ROR2: variants seen among roughly 807,000 people sequenced by gnomAD.
ROR2 encodes the protein tyrosine-protein kinase transmembrane receptor ROR2.
A neutral mutation model predicts 74.9 loss-of-function variants in ROR2; 33 were observed. The observed-to-expected ratio is 0.44, with a 90% CI of 0.33 to 0.59. The LOEUF is 0.59. Among genes scored for constraint, ROR2 ranks in the 20% least tolerant of loss-of-function variants. ROR2 has a pLI of 0.02. For missense variants in ROR2, 1,216 were observed against 1,313.8 expected (o/e 0.93, Z 1.15); for synonymous variants, 586 against 558.7 (o/e 1.05, Z -0.69).
At chr9:91,866,417 CTTTTTTTTTT>C (rs59024037) in intron 1 of ROR2, among the ~76,000 whole-genome samples, 1 of 103,910 alleles carries the variant, frequency 9.6e-6, no homozygotes, top group Non-Finnish European at 1.8e-5. Context: ...CACGCCCAGT[CTTTTTTTTTT>C]TTTTTTTTTT....
intron 1 of ROR2, among the ~76,000 whole-genome samples, chr9:91,870,208 C>A (rs1032671252): frequency 6.6e-6 from 1 of 152,160 alleles, no homozygotes; most frequent in Non-Finnish European, 1.5e-5. Context: ...GGTTTGCTGA[C>A]CCCCAATCTA....
At chr9:91,898,749 C>T (rs981946262) in intron 1 of ROR2, among the ~76,000 whole-genome samples, 1 of 152,132 alleles carries the variant, frequency 6.6e-6, no homozygotes, top group Non-Finnish European at 1.5e-5. Context: ...TTACCCTTCT[C>T]CTGACTATTA....
rs530145736 is a variant in ROR2 at position 91,895,694 on chromosome 9, T to A, written c.97+54173A>T. Among the ~76,000 whole-genome samples the A allele has an allele frequency of 2.7e-4, 41 of 152,152 alleles. 1 individual carries two copies. The South Asian group carries it at 7.7e-3, about 29-fold the overall frequency. ...CCCCATCTCTACTAAAATACAAAATTTAGGCGGGCATGATGGCAGATGCCT... is the reference window on the plus strand; with the variant it reads ...CCCCATCTCTACTAAAATACAAAATATAGGCGGGCATGATGGCAGATGCCT... On this transcript the variant is annotated intron_variant, in intron 1 of 8. Coordinates refer to ENST00000375708, the MANE Select transcript of ROR2 (RefSeq NM_004560.4).
intron 4 of ROR2, among the ~76,000 whole-genome samples, chr9:91,752,425 T>C (rs1825621855): frequency 6.6e-6 from 1 of 152,196 alleles, no homozygotes; most frequent in South Asian, 2.1e-4. Context: ...TACTGATACA[T>C]GTACAACACA....
At chr9:91,819,593 C>G (rs1828069406) in intron 1 of ROR2, among the ~76,000 whole-genome samples, 1 of 150,616 alleles carries the variant, frequency 6.6e-6, no homozygotes, top group Admixed American at 6.6e-5. Flanking sequence ...TCTGAGTGTT[C>G]TGTGTGTCTG....
intron 7 of ROR2, among the ~76,000 whole-genome samples, chr9:91,728,647 T>C (rs1364984325): frequency 6.6e-6 from 1 of 152,152 alleles, no homozygotes; most frequent in Admixed American, 6.6e-5. Context: ...GCCAGCCTGG[T>C]CTTGAACTCC....
intron 1 of ROR2, among the ~76,000 whole-genome samples, chr9:91,850,096 GA>G (rs1421501404): frequency 6.6e-6 from 1 of 152,180 alleles, no homozygotes; most frequent in Non-Finnish European, 1.5e-5. Flanking sequence ...CCAAGACACA[GA>G]ATTACTGGGT....
At chr9:91,825,738 ATT>A (rs1375187424) in intron 1 of ROR2, among the ~76,000 whole-genome samples, 1 of 152,088 alleles carries the variant, frequency 6.6e-6, no homozygotes, top group African/African-American at 2.4e-5. Context: ...ACTATCACTT[ATT>A]TTGCTGGAAA....
Position 91,814,984 on chromosome 9 carries a change from C to T in ROR2, c.98-39166G>A, listed in dbSNP as rs1356667504. ...CAGTCGGTGACAATGCCTCGAAGCA[C>T]CTGCAAGTGATTGTCCCCAGCAATG... On this transcript the variant is annotated intron_variant, in intron 1 of 8. Transcript: ENST00000375708. Among the ~76,000 whole-genome samples, 6 of 152,346 alleles carry T rather than the reference C, an allele frequency of 3.9e-5. No homozygotes were observed. The East Asian group carries it at 9.7e-4, about 25-fold the overall frequency.
Position 91,726,658 on chromosome 9 carries a change from G to A in ROR2, c.1269C>T (p.Phe423=). The stretch of plus-strand genomic sequence containing the variant: ...GCTTATTCCGGCACATGCAAACCAA[G>A]AAGAAAAGGCAAGCGATGACCAGTG... ...AIPLVIACLF[F]LVCMCRNKQK... Residue 423 remains phenylalanine, a synonymous_variant, in exon 8 of 9, where the codon TTC becomes TTT. Transcript: ENST00000375708. The A allele has an allele frequency of 6.2e-7, 1 of 1,614,068 alleles. No homozygotes were observed.
intron 1 of ROR2, among the ~76,000 whole-genome samples, chr9:91,783,144 C>T (rs769819919): frequency 7.2e-5 from 11 of 152,152 alleles, no homozygotes; most frequent in Non-Finnish European, 1.2e-4. Flanking sequence ...CCAAATCTCT[C>T]TTCCTACAGG....
At chr9:91,726,871 A>AATGGGGTAAAAGGGC in intron 7 of ROR2, 128 bp from the exon 8 acceptor site, 1 of 853,674 alleles carries the variant, frequency 1.2e-6, no homozygotes, top group South Asian at 1.4e-5. Flanking sequence ...TAAGTTACAC[A>AATGGGGTAAAAGGGC]ATGGGGTAAA....
intron 1 of ROR2, among the ~76,000 whole-genome samples, chr9:91,830,899 G>A (rs759147971): frequency 6.7e-6 from 1 of 150,200 alleles, no homozygotes; most frequent in African/African-American, 2.5e-5. Context: ...ACTGTTACCA[G>A]GAGCTACATT....
chr9:91,874,246 T>C (rs1829890065), intron 1 of ROR2, among the ~76,000 whole-genome samples: 1 of 152,194 alleles, frequency 6.6e-6, no homozygotes, highest in South Asian at 2.1e-4. Context: ...AGGTGCTCTG[T>C]GGCGGCCACT....
intron 2 of ROR2, among the ~76,000 whole-genome samples, chr9:91,765,876 G>C (rs1310979806): frequency 6.6e-6 from 1 of 151,864 alleles, no homozygotes; most frequent in East Asian, 1.9e-4. Flanking sequence ...CTTATATCAG[G>C]GTGCAAAAAA....
At chr9:91,774,093 G>A (rs1826333441) in intron 2 of ROR2, among the ~76,000 whole-genome samples, 2 of 152,236 alleles carry the variant, frequency 1.3e-5, no homozygotes, top group African/African-American at 4.8e-5. Context: ...TCAGGCTTTT[G>A]AGAAAGAAGT....
At chr9:91,794,890 G>A (rs973354596) in intron 1 of ROR2, among the ~76,000 whole-genome samples, 1 of 152,164 alleles carries the variant, frequency 6.6e-6, no homozygotes, top group African/African-American at 2.4e-5. Context: ...CGGAGGCCAA[G>A]GCAGGCAGAT....
chr9:91,740,326 A>T (rs1376710324), intron 4 of ROR2, among the ~76,000 whole-genome samples: 1 of 152,118 alleles, frequency 6.6e-6, no homozygotes, highest in Non-Finnish European at 1.5e-5. Context: ...AGGTGGGAGG[A>T]TCACAAGGTC....
intron 1 of ROR2, among the ~76,000 whole-genome samples, chr9:91,881,981 T>G (rs1225767895): frequency 1.3e-5 from 2 of 151,914 alleles, no homozygotes; most frequent in Non-Finnish European, 2.9e-5. Context: ...GCAAATGGAG[T>G]GTAGGGTTCC....
Sources: allele counts gnomAD v4.1 joint callset (sites outside exome capture counted in the v4.1 genomes callset), GRCh38; gene constraint gnomAD v4.1.1; transcripts MANE v1.5; gene names NCBI Gene and HGNC (gene_info 2026-07-23, HGNC 2026-07-21).